Variants in ARMH3 observed in about 807,000 individuals in gnomAD.
ARMH3 encodes the protein armadillo-like helical domain-containing protein 3.
Under a neutral mutation model 99.1 loss-of-function variants are expected in ARMH3, and 60 were observed. The observed-to-expected ratio is 0.61, with a 90% CI of 0.49 to 0.75. The LOEUF is 0.75. Among genes scored for constraint, ARMH3 ranks in the 30% least tolerant of loss-of-function variants. ARMH3 has a pLI of 0.00. For synonymous variants in ARMH3, 285 were observed against 292.8 expected, an observed-to-expected ratio of 0.97 and a Z score of 0.27; for missense variants, 679 against 843.1, an observed-to-expected ratio of 0.81 and a Z score of 2.41.
intron 15 of ARMH3, among the ~76,000 whole-genome samples, chr10:102,000,530 G>T (rs139685183): frequency 6.6e-6 from 1 of 151,294 alleles, no homozygotes; most frequent in Non-Finnish European, 1.5e-5. Flanking sequence ...AGGCCAAGGC[G>T]GGCAGATCAC....
chr10:101,940,006 A>T (rs1844167167), intron 22 of ARMH3, 68 bp from the exon 23 acceptor site: 4 of 1,319,074 alleles, frequency 3.0e-6, no homozygotes, highest in Non-Finnish European at 4.3e-6. Context: ...AGGAATGAAG[A>T]CACATCTCAG....
chr10:101,906,325 C>T (rs993773209), intron 23 of ARMH3, among the ~76,000 whole-genome samples: 2 of 152,180 alleles, frequency 1.3e-5, no homozygotes, highest in African/African-American at 4.8e-5. Flanking sequence ...ACTTTATTAG[C>T]TGTTGCCAAA....
At chr10:101,869,878 C>G (rs2135359570) in intron 24 of ARMH3, among the ~76,000 whole-genome samples, 1 of 152,128 alleles carries the variant, frequency 6.6e-6, no homozygotes, top group African/African-American at 2.4e-5. Flanking sequence ...ACAAAAAATA[C>G]AAGAATTAGC....
At chr10:101,998,043 C>T (rs1847391330) in intron 15 of ARMH3, among the ~76,000 whole-genome samples, 1 of 152,150 alleles carries the variant, frequency 6.6e-6, no homozygotes, top group Admixed American at 6.5e-5. Context: ...ATTTAGGTTG[C>T]CTGTTGGCCA....
At chr10:101,970,665 A>T (rs1845724445) in intron 20 of ARMH3, among the ~76,000 whole-genome samples, 1 of 152,008 alleles carries the variant, frequency 6.6e-6, no homozygotes, top group Admixed American at 6.5e-5. Context: ...CTAAAAAAAA[A>T]AATACAAAAA....
At chr10:101,952,423 G>A (rs909038911) in intron 22 of ARMH3, among the ~76,000 whole-genome samples, 21 of 152,086 alleles carry the variant, frequency 1.4e-4, no homozygotes, top group Non-Finnish European at 2.8e-4. Context: ...AAGGAGTCAC[G>A]ATGACTAAAT....
At chr10:101,853,602 G>A (rs549789649) in intron 24 of ARMH3, among the ~76,000 whole-genome samples, 4 of 152,282 alleles carry the variant, frequency 2.6e-5, no homozygotes, top group South Asian at 2.1e-4. Context: ...TTTCCAATCC[G>A]TCAGGTAACA....
At chr10:102,037,870 G>A (rs1056918704) in intron 2 of ARMH3, among the ~76,000 whole-genome samples, 1 of 151,994 alleles carries the variant, frequency 6.6e-6, no homozygotes, top group South Asian at 2.1e-4. Flanking sequence ...GATTACAGGT[G>A]TGAGCTACCA....
intron 23 of ARMH3, among the ~76,000 whole-genome samples, chr10:101,932,818 T>C (rs868391416): frequency 3.3e-5 from 5 of 152,154 alleles, no homozygotes; most frequent in Non-Finnish European, 7.4e-5. Flanking sequence ...GAAAAAGAAG[T>C]AGCCCTGGAG....
intron 24 of ARMH3, among the ~76,000 whole-genome samples, chr10:101,864,467 A>C (rs2135332406): frequency 6.6e-6 from 1 of 152,372 alleles, no homozygotes; most frequent in Non-Finnish European, 1.5e-5. Context: ...GGCATTATTC[A>C]CAATAGCAAA....
intron 13 of ARMH3, 44 bp downstream of exon 13, chr10:102,009,330 A>C: frequency 1.3e-6 from 2 of 1,538,960 alleles, no homozygotes; most frequent in Non-Finnish European, 1.8e-6. Context: ...AATCGGTATG[A>C]AATTTAGAGA....
chr10:101,939,216 A>T (rs1844128279), intron 23 of ARMH3, among the ~76,000 whole-genome samples: 1 of 152,228 alleles, frequency 6.6e-6, no homozygotes, highest in African/African-American at 2.4e-5. Flanking sequence ...ATGAAAAATC[A>T]AAGGCACAAA....
At chr10:102,053,652 C>T (rs1184083134) in intron 1 of ARMH3, among the ~76,000 whole-genome samples, 1 of 151,950 alleles carries the variant, frequency 6.6e-6, no homozygotes, top group Non-Finnish European at 1.5e-5. Context: ...TCCCATTACA[C>T]TGTATAAATT....
chr10:102,021,239 G>A (rs933043646), intron 8 of ARMH3, among the ~76,000 whole-genome samples: 3 of 151,910 alleles, frequency 2.0e-5, no homozygotes, highest in African/African-American at 7.3e-5. Flanking sequence ...ACCATGCTGG[G>A]CTAATTTTTG....
intron 15 of ARMH3, among the ~76,000 whole-genome samples, chr10:101,996,000 G>A (rs191646582): frequency 2.6e-5 from 4 of 152,158 alleles, no homozygotes; most frequent in Admixed American, 2.6e-4. Flanking sequence ...AACAGACAAA[G>A]GTCCCTGGTC....
At position 102,040,122 on chromosome 10, in the gene ARMH3, G is replaced by C. The variant is rs539010325; in HGVS notation, c.-8C>G. The C allele has an allele frequency of 3.7e-6, 6 of 1,611,384 alleles. No individual in the cohort carries two copies. The highest frequency in any genetic ancestry group is 5.1e-6 in the Non-Finnish European group (6 of 1,177,484). On this transcript the variant is annotated 5_prime_UTR_variant, in exon 2 of 26. Transcript: ENST00000370033. ...TTTCTCTACCTGTGCCATGGTTAGA[G>C]AATCTGTGAACAGAAAGTCACATTT...
intron 8 of ARMH3, among the ~76,000 whole-genome samples, chr10:102,021,861 A>T (rs562262353): frequency 1.5e-4 from 23 of 152,078 alleles, no homozygotes; most frequent in Non-Finnish European, 3.1e-4. Context: ...GCTAATTTTT[A>T]AATTTTTTTT....
At chr10:101,861,335 T>C (rs1417354771) in intron 24 of ARMH3, among the ~76,000 whole-genome samples, 1 of 152,194 alleles carries the variant, frequency 6.6e-6, no homozygotes, top group Non-Finnish European at 1.5e-5. Context: ...CTTAGAATCC[T>C]ACGTCCAGCA....
chr10:101,881,340 GA>G (rs1299220844), intron 24 of ARMH3, among the ~76,000 whole-genome samples: 1 of 152,072 alleles, frequency 6.6e-6, no homozygotes, highest in Non-Finnish European at 1.5e-5. Context: ...TCACTTGGTT[GA>G]AAAGAACACC....
Sources: allele counts gnomAD v4.1 joint callset (sites outside exome capture counted in the v4.1 genomes callset), GRCh38; gene constraint gnomAD v4.1.1; transcripts MANE v1.5; gene names NCBI Gene and HGNC (gene_info 2026-07-23, HGNC 2026-07-21).